PCDHA6: variants seen among roughly 807,000 people sequenced by gnomAD.
The protein encoded by PCDHA6 is protocadherin alpha-6.
In PCDHA6, 55 loss-of-function variants were observed where a neutral mutation model predicts 60.3. The ratio of observed to expected loss-of-function variants is 0.91; its 90% confidence interval spans 0.73 to 1.14. PCDHA6 has a LOEUF of 1.14. Ranked by LOEUF, PCDHA6 falls within the 50% of genes most tolerant of loss-of-function variation. The pLI is 0.00. For synonymous variants in PCDHA6, 652 were observed against 557.9 expected (o/e 1.17, Z -2.38); for missense variants, 1,327 against 1,256.5 (o/e 1.06, Z -0.85).
At chr5:140,885,482 G>A (rs1174553739) in intron 1 of PCDHA6, among the ~76,000 whole-genome samples, 1 of 152,150 alleles carries the variant, frequency 6.6e-6, no homozygotes, top group Non-Finnish European at 1.5e-5. Context: ...TTTGTGTCAA[G>A]TGTTCTGTTA....
chr5:140,892,054 T>G (rs1409591142), intron 1 of PCDHA6, among the ~76,000 whole-genome samples: 4 of 152,244 alleles, frequency 2.6e-5, no homozygotes, highest in African/African-American at 7.2e-5. Flanking sequence ...TTTTTCAAAT[T>G]TATTGTTACT....
chr5:140,829,877 G>T lies in PCDHA6; in HGVS notation c.1786G>T (p.Ala596Ser), dbSNP rs2150176821. The T allele has an allele frequency of 1.5e-5, 25 of 1,613,956 alleles. No individual in the cohort carries two copies. In the South Asian group the frequency reaches 2.5e-4, roughly 16 times the overall value. Reference protein sequence around the residue: ...GAGQVVAKVRAVDADSGYNAW... With the variant: ...GAGQVVAKVRSVDADSGYNAW... ...AGGCCAAGTGGTGGCGAAGGTGCGC[G>T]CAGTTGACGCCGACTCAGGCTACAA... The change falls in exon 1 of 4, where the codon GCA (alanine) becomes TCA (serine). Residue 596 changes from alanine to serine, a missense_variant. Physicochemically the swap from Ala to Ser is moderately conservative, Grantham distance 99. Transcript: ENST00000529310.
chr5:140,995,383 G>A (rs909887279), intron 3 of PCDHA6, among the ~76,000 whole-genome samples: 2 of 152,158 alleles, frequency 1.3e-5, no homozygotes, highest in African/African-American at 4.8e-5. Flanking sequence ...TACTGGGCAG[G>A]ATAAAGCGGG....
At chr5:140,925,526 CGAG>C (rs2082539432) in intron 1 of PCDHA6, among the ~76,000 whole-genome samples, 1 of 151,910 alleles carries the variant, frequency 6.6e-6, no homozygotes, top group South Asian at 2.1e-4. Flanking sequence ...AAATTAAAAG[CGAG>C]GAGAAATACC....
At chr5:141,004,580 A>T (rs782539696) in intron 3 of PCDHA6, among the ~76,000 whole-genome samples, 1 of 152,222 alleles carries the variant, frequency 6.6e-6, no homozygotes, top group Non-Finnish European at 1.5e-5. Context: ...TGTGTTCTGC[A>T]TCTCCAGATG....
At chr5:140,989,829 C>A (rs1554251113) in intron 3 of PCDHA6, among the ~76,000 whole-genome samples, 3 of 152,124 alleles carry the variant, frequency 2.0e-5, no homozygotes, top group Non-Finnish European at 2.9e-5. Context: ...TGCCAGGAAG[C>A]CTGTCAATGA....
At chr5:140,862,911 G>C (rs781861917) in intron 1 of PCDHA6, 3 of 549,326 alleles carry the variant, frequency 5.5e-6, no homozygotes. Flanking sequence ...CGCTGCTGGC[G>C]CCTTGGGTGG....
At chr5:140,842,654 G>A in intron 1 of PCDHA6, 1 of 1,595,506 alleles carries the variant, frequency 6.3e-7, no homozygotes, top group Non-Finnish European at 8.6e-7. Context: ...GTCTGTGGAG[G>A]TGGCCGACGT....
intron 1 of PCDHA6, among the ~76,000 whole-genome samples, chr5:140,961,502 T>C (rs6891232): frequency 0.023 from 3,568 of 152,334 alleles, 49 homozygotes; most frequent in Middle Eastern, 0.034. Context: ...TTGGGAGACT[T>C]TGTTTAATGT....
intron 1 of PCDHA6, chr5:140,926,768 C>T: frequency 2.2e-6 from 3 of 1,361,764 alleles, no homozygotes; most frequent in Non-Finnish European, 2.9e-6. Context: ...GTATCCAGCC[C>T]GCAGCAGTGA....
chr5:140,941,191 T>TTTCTTTCTTTCTTTC lies in PCDHA6; in HGVS notation c.2395-37756_2395-37755insCTTTCTTTCTTTCTT, dbSNP rs1487503403. Among the ~76,000 whole-genome samples, 17 of 93,258 alleles carry TTTCTTTCTTTCTTTC rather than the reference T, an allele frequency of 1.8e-4. No individual in the cohort carries two copies. The South Asian group carries it at 2.0e-3, about 11-fold the overall frequency. The allele number at this position is 93,258 out of a possible 152,430, so 61.2% of individuals were successfully genotyped here. A position where few individuals can be genotyped will look rare whatever the true frequency, so the allele number is the denominator to read the frequency against. ...CATCTTGAACATCCTGCTTCTTTTT[T>TTTCTTTCTTTCTTTC]TTTCTTTCTTCCTTTCTTTCTTCCT... On this transcript the variant is annotated intron_variant, in intron 1 of 3. Coordinates refer to ENST00000529310, the MANE Select transcript of PCDHA6 (RefSeq NM_018909.4).
Position 140,856,045 on chromosome 5 carries a change from T to C in PCDHA6, c.2394+25560T>C, listed in dbSNP as rs1554148107. 3 of 1,581,954 alleles carry C rather than the reference T, an allele frequency of 1.9e-6. 1 individual carries two copies. In the African/African-American group the frequency reaches 4.1e-5, roughly 21 times the overall value. ...GTCGATTTGTAAAACAAGAGAAGGATAAGATGGTTTCCAGATGTAGCTGCC... is the reference window on the plus strand; with the variant it reads ...GTCGATTTGTAAAACAAGAGAAGGACAAGATGGTTTCCAGATGTAGCTGCC... On this transcript the variant is annotated intron_variant, in intron 1 of 3. Coordinates refer to ENST00000529310, the MANE Select transcript of PCDHA6 (RefSeq NM_018909.4).
At position 140,928,737 on chromosome 5, in the gene PCDHA6, A is replaced by G. The variant is rs140056024; in HGVS notation, c.2395-50212A>G. On this transcript the variant is annotated intron_variant, in intron 1 of 3. Coordinates refer to ENST00000529310, the MANE Select transcript of PCDHA6 (RefSeq NM_018909.4). ...GTCTCTTTAGAATTTCAGCCAATAT[A>G]GGTGAGCTCCGTACTGCTCGCTTAG... is the stretch of plus-strand genomic sequence containing the variant. 5.6e-6 allele frequency: 9 copies of G among 1,614,000 alleles called. No homozygotes were observed. In the African/African-American group the frequency reaches 8.0e-5, roughly 14 times the overall value.
rs782733393 is a variant in PCDHA6 at position 140,875,889 on chromosome 5, G to A, written c.2394+45404G>A. The A allele has an allele frequency of 6.2e-6, 10 of 1,614,054 alleles. No homozygotes were observed. The South Asian group carries it at 8.8e-5, about 14-fold the overall frequency. On this transcript the variant is annotated intron_variant, in intron 1 of 3. Coordinates refer to ENST00000529310, the MANE Select transcript of PCDHA6 (RefSeq NM_018909.4). ...CGGTGTTCAGAGAAAGGGAACAAAA[G>A]GTACCTGTTTCTGAATCTGCGCCTC...
chr5:140,890,505 C>T (rs968263026), intron 1 of PCDHA6, among the ~76,000 whole-genome samples: 4 of 151,914 alleles, frequency 2.6e-5, no homozygotes, highest in Admixed American at 2.6e-4. Flanking sequence ...ATTTTTATGT[C>T]TCTATTTCCT....
At chr5:140,836,689 T>C in intron 1 of PCDHA6, 1 of 1,613,456 alleles carries the variant, frequency 6.2e-7, no homozygotes. Flanking sequence ...AAGACAGACC[T>C]CATGGCCTTC....
In PCDHA6 at chr5:140,830,257, G is replaced by T. The variant is rs1581901410; in HGVS notation, c.2166G>T (p.Arg722=). The T allele has an allele frequency of 6.2e-7, 1 of 1,613,574 alleles. No individual in the cohort carries two copies. Among genetic ancestry groups the T allele is most frequent in the Admixed American group, 1.7e-5 (1 of 59,990 alleles). The stretch of plus-strand genomic sequence containing the variant: ...CGCTACTGCTGTACACAGCGCTGCG[G>T]TGCTCGGCGCCACCCACCGAGGGCG... ...VLTLLLYTAL[R]CSAPPTEGAC... is the part of the protein sequence containing the mutation. The change falls in exon 1 of 4, where the codon CGG becomes CGT. Residue 722 remains arginine (R), a synonymous_variant. Coordinates refer to ENST00000529310, the MANE Select transcript of PCDHA6 (RefSeq NM_018909.4).
At chr5:140,913,987 T>C (rs562066581) in intron 1 of PCDHA6, among the ~76,000 whole-genome samples, 5 of 152,318 alleles carry the variant, frequency 3.3e-5, no homozygotes, top group African/African-American at 1.2e-4. Context: ...ACTTGTATTG[T>C]GACTAGCATA....
chr5:140,857,959 T>G, intron 1 of PCDHA6: 1 of 1,597,228 alleles, frequency 6.3e-7, no homozygotes, highest in Non-Finnish European at 8.6e-7. Context: ...GCGCTCTGGA[T>G]GAGACTGACT....
Sources: allele counts gnomAD v4.1 joint callset (sites outside exome capture counted in the v4.1 genomes callset), GRCh38; gene constraint gnomAD v4.1.1; transcripts MANE v1.5; gene names NCBI Gene and HGNC (gene_info 2026-07-23, HGNC 2026-07-21).